WDR37: variants seen among roughly 807,000 people sequenced by gnomAD.
WDR37 encodes WD repeat-containing protein 37.
A neutral mutation model predicts 62.9 loss-of-function variants in WDR37; 19 were observed. The observed-to-expected ratio is 0.30, with a 90% CI of 0.21 to 0.44. WDR37 has a LOEUF of 0.44. Ranked by LOEUF, WDR37 falls within the 20% of genes least tolerant of loss-of-function variation. The probability of loss-of-function intolerance (pLI) is 1.00; values close to 1 mark genes in which losing one functional copy is unlikely to be tolerated. For missense variants in WDR37, 474 were observed against 657.6 expected (o/e 0.72, Z 3.05); for synonymous variants, 250 against 260.9 (o/e 0.96, Z 0.40).
In WDR37 at chr10:1,130,100, A is replaced by G. The variant is rs1474125856; in HGVS notation, c.*756A>G. 1 of 152,668 alleles carries G rather than the reference A, an allele frequency of 6.6e-6. No individual in the cohort carries two copies. The highest frequency in any genetic ancestry group is 2.4e-5 in the African/African-American group (1 of 41,464). The allele number at this position is 152,668 out of a possible 1,614,324, so 9.5% of individuals were successfully genotyped here. ...TTAATTTATAGCTATGGTTATAAACAGGTTTTAGATGTTTCAAATGACTTG... is the reference window on the plus strand; with the variant it reads ...TTAATTTATAGCTATGGTTATAAACGGGTTTTAGATGTTTCAAATGACTTG... On this transcript the variant is annotated 3_prime_UTR_variant, in exon 14 of 14. Transcript: ENST00000263150.
chr10:1,080,221 T>A, intron 4 of WDR37, 115 bp downstream of exon 4: 1 of 1,307,304 alleles, frequency 7.6e-7, no homozygotes, highest in Non-Finnish European at 1.1e-6. Context: ...TCGAACTATC[T>A]AATTCAGGTG....
intron 9 of WDR37, among the ~76,000 whole-genome samples, chr10:1,098,502 A>G (rs1263603212): frequency 6.6e-6 from 1 of 151,914 alleles, no homozygotes; most frequent in Non-Finnish European, 1.5e-5. Flanking sequence ...TAATTTTTGT[A>G]TTTTTAGTAG....
rs1221137543 is a variant in WDR37, at chr10:1,121,239, A to G, written c.1104-2979A>G. Among the ~76,000 whole-genome samples the G allele has an allele frequency of 6.6e-6, 1 of 152,216 alleles. No homozygotes were observed. The highest frequency in any genetic ancestry group is 1.9e-4 in the East Asian group (1 of 5,200). ...TTTAGCATTTCATTAACATGGAGTT[A>G]GGCGATCTTTTGTTGAGCCTTTTTT... On this transcript the variant is annotated intron_variant, in intron 11 of 13. Transcript: ENST00000263150. This position sits in a 1 kb window ranked among gnomAD's most constrained non-coding sequence, Gnocchi z 4.5.
At chr10:1,112,957 C>G (rs1437088293) in intron 11 of WDR37, among the ~76,000 whole-genome samples, 1 of 152,210 alleles carries the variant, frequency 6.6e-6, no homozygotes, top group Admixed American at 6.5e-5. Context: ...CTGGGATCAT[C>G]GATGAAGATG....
At chr10:1,081,757 C>G (rs528631063) in intron 5 of WDR37, among the ~76,000 whole-genome samples, 1 of 151,864 alleles carries the variant, frequency 6.6e-6, no homozygotes, top group East Asian at 1.9e-4. Flanking sequence ...TATGTTCTTC[C>G]TCATTTAATT....
rs146800631 is a variant in WDR37 at position 1,085,558 on chromosome 10, A to G, written c.533-728A>G. 9.8e-5 allele frequency among the ~76,000 whole-genome samples: 15 copies of G among 152,328 alleles called. No homozygotes were observed. The East Asian group carries it at 2.7e-3, about 27-fold the overall frequency. On this transcript the variant is annotated intron_variant, in intron 6 of 13. Coordinates refer to ENST00000263150, the MANE Select transcript of WDR37 (RefSeq NM_014023.4). ...TACCCCTTGAGATAAAAATTGCTCA[A>G]ATTACAAATGATGCTCATTGAAAAT...
chr10:1,125,859 A>G (rs1835727526), intron 13 of WDR37, among the ~76,000 whole-genome samples: 1 of 152,242 alleles, frequency 6.6e-6, no homozygotes, highest in South Asian at 2.1e-4. Context: ...TGCTAACTTC[A>G]GAAGACGGCG....
chr10:1,091,590 G>T (rs1304917022), intron 7 of WDR37, among the ~76,000 whole-genome samples: 2 of 152,162 alleles, frequency 1.3e-5, no homozygotes, highest in Admixed American at 1.3e-4. Context: ...CTTCACAAGG[G>T]GTGGAAATAA....
At chr10:1,074,651 G>A in intron 2 of WDR37, 1 of 638,048 alleles carries the variant, frequency 1.6e-6, no homozygotes, top group Non-Finnish European at 2.4e-6. Context: ...CATGGTAGGT[G>A]TGAGGGGGGC....
At chr10:1,088,741 G>T (rs751910585) in intron 7 of WDR37, among the ~76,000 whole-genome samples, 2 of 151,870 alleles carry the variant, frequency 1.3e-5, no homozygotes, top group Non-Finnish European at 2.9e-5. Context: ...AATTACCAGC[G>T]TGTGTCACAG....
Position 1,084,522 on chromosome 10 carries a change from C to T in WDR37, c.516C>T (p.Leu172=), listed in dbSNP as rs757758502. The T allele has an allele frequency of 1.3e-5, 21 of 1,614,014 alleles. No homozygotes were observed. The highest frequency in any genetic ancestry group is 5.0e-5 in the Admixed American group (3 of 60,004). Residue 172 remains leucine (L), a synonymous_variant, in exon 6 of 14, where the codon CTC becomes CTT. Coordinates refer to ENST00000263150, the MANE Select transcript of WDR37 (RefSeq NM_014023.4). ...VSVAKTQPVV[L]GTASADHTAL... ...TGGCCAAGACACAGCCAGTGGTGCT[C>T]GGGACTGCATCAGCCGGTGAGTCGC...
chr10:1,072,907 A>G (rs1221071981), intron 2 of WDR37, among the ~76,000 whole-genome samples: 5 of 152,142 alleles, frequency 3.3e-5, no homozygotes, highest in Non-Finnish European at 7.4e-5. Flanking sequence ...TTCTGTCTCT[A>G]ACAGTCTCAA....
intron 1 of WDR37, among the ~76,000 whole-genome samples, chr10:1,064,747 C>G (rs1426369042): frequency 6.6e-6 from 1 of 151,944 alleles, no homozygotes; most frequent in African/African-American, 2.4e-5. Flanking sequence ...CATGCCACAT[C>G]ACGCCTGGCT....
At chr10:1,122,743 G>A (rs1258380297) in intron 11 of WDR37, among the ~76,000 whole-genome samples, 1 of 152,240 alleles carries the variant, frequency 6.6e-6, no homozygotes, top group East Asian at 1.9e-4. Flanking sequence ...CTTCTGGCAA[G>A]TGCCAGAGAC....
At chr10:1,072,374 A>T in intron 2 of WDR37, 81 bp downstream of exon 2, 1 of 1,555,620 alleles carries the variant, frequency 6.4e-7, no homozygotes, top group East Asian at 2.3e-5. Context: ...CTGGAGTGCG[A>T]TGGTGCGATC....
At chr10:1,096,550 C>T (rs533615267) in intron 9 of WDR37, 40 of 401,156 alleles carry the variant, frequency 1.0e-4, no homozygotes, top group Middle Eastern at 1.4e-3. Flanking sequence ...AAGGATGAGC[C>T]CGCACCAGAA....
At chr10:1,084,261 T>C in intron 5 of WDR37, 142 bp from the exon 6 acceptor site, 1 of 1,120,880 alleles carries the variant, frequency 8.9e-7, no homozygotes, top group South Asian at 1.6e-5. Context: ...CAGCTCACAC[T>C]TGCGCTGTGT....
chr10:1,097,765 C>T (rs1040161259), intron 9 of WDR37, among the ~76,000 whole-genome samples: 1 of 152,126 alleles, frequency 6.6e-6, no homozygotes, highest in African/African-American at 2.4e-5. Flanking sequence ...TTTGGACTTG[C>T]TTGGGCCCCA....
intron 2 of WDR37, among the ~76,000 whole-genome samples, chr10:1,073,620 G>A (rs763615536): frequency 2.6e-5 from 4 of 152,194 alleles, no homozygotes; most frequent in African/African-American, 7.2e-5. Flanking sequence ...CACAGACTGG[G>A]TAGCTTAACA....
Sources: gnomAD v4.1 joint callset for allele counts (sites outside exome capture counted in the v4.1 genomes callset) on GRCh38, gnomAD v4.1.1 for gene constraint, Gnocchi (gnomAD v3.1) non-coding constraint, MANE v1.5 for transcripts, NCBI Gene and HGNC (gene_info 2026-07-23, HGNC 2026-07-21) for gene names.